The following ARHGEF1 variants were observed in gnomAD, a reference collection of about 807,000 sequenced individuals.
ARHGEF1 encodes 115 kDa guanine nucleotide exchange factor.
In ARHGEF1, 40 loss-of-function variants were observed where a neutral mutation model predicts 119.7. That is an observed-to-expected ratio of 0.33 (90% CI 0.26 to 0.44). The LOEUF (loss-of-function observed/expected upper bound fraction) is 0.44. Among genes scored for constraint, ARHGEF1 ranks in the 20% least tolerant of loss-of-function variants. The pLI is 1.00. For synonymous variants in ARHGEF1, 494 were observed against 521.0 expected (o/e 0.95, Z 0.71); for missense variants, 976 against 1,268.3 (o/e 0.77, Z 3.50).
At chr19:41,909,189 G>A, downstream of ARHGEF1, 1 of 1,231,716 alleles carries the variant, frequency 8.1e-7, no homozygotes, top group Non-Finnish European at 1.0e-6. The surrounding 1 kb of genome is among the most constrained non-coding windows in gnomAD (Gnocchi z 5.2). Flanking sequence ...TAGAGAGGGA[G>A]TGGGAGAAGC....
At chr19:41,894,423 C>G (rs2074442929) in intron 9 of ARHGEF1, 28 bp from the exon 10 acceptor site, 1 of 1,537,764 alleles carries the variant, frequency 6.5e-7, no homozygotes. Context: ...AGATGCTTAG[C>G]CTGGTCTTCC....
chr19:41,905,702 G>A lies in ARHGEF1; in HGVS notation c.2337-58G>A, dbSNP rs2074682530. The A allele has an allele frequency of 1.9e-6, 3 of 1,583,482 alleles. No homozygotes were observed. Among genetic ancestry groups the A allele is most frequent in the Non-Finnish European group, 2.6e-6 (3 of 1,156,400 alleles). ...CCCACCTCCAGCTCTCTGTCTCCCT[G>A]CCCCTGCGGCCCCCCAGGGCCAGGG... On this transcript the variant is annotated intron_variant, in intron 24 of 28. Transcript: ENST00000354532. The surrounding 1 kb of genome is among the most constrained non-coding windows in gnomAD (Gnocchi z 6.4).
downstream of ARHGEF1, among the ~76,000 whole-genome samples, chr19:41,912,386 T>G (rs2074757950): frequency 1.3e-5 from 2 of 152,188 alleles, no homozygotes; most frequent in African/African-American, 4.8e-5. Flanking sequence ...CAACCCCGGT[T>G]GCAAGCTGTC....
At chr19:41,926,969 A>G (rs916901507) in intron 1 of ARHGEF1, among the ~76,000 whole-genome samples, 2 of 151,952 alleles carry the variant, frequency 1.3e-5, no homozygotes. Flanking sequence ...ATAGAAAGAG[A>G]TGCCGAGAAA....
chr19:41,905,434 G>C lies in ARHGEF1; in HGVS notation c.2336+173G>C. On this transcript the variant is annotated intron_variant, in intron 24 of 28. Coordinates refer to ENST00000354532, the MANE Select transcript of ARHGEF1 (RefSeq NM_004706.4). This position sits in a 1 kb window ranked among gnomAD's most constrained non-coding sequence, Gnocchi z 6.4. ...GTATGTGACTGTGCGTGCATATATA[G>C]TGTGTGTATGCATGCATGTGTGCGT... The C allele has an allele frequency of 1.6e-6, 1 of 639,054 alleles. No homozygotes were observed. Among genetic ancestry groups the C allele is most frequent in the Non-Finnish European group, 2.7e-6 (1 of 370,322 alleles). The allele number at this position is 639,054 out of a possible 1,614,324, so 39.6% of individuals were successfully genotyped here.
chr19:41,925,907 G>A (rs1160899202), intron 1 of ARHGEF1, among the ~76,000 whole-genome samples: 1 of 152,016 alleles, frequency 6.6e-6, no homozygotes, highest in Non-Finnish European at 1.5e-5. Flanking sequence ...GGGACTGGTG[G>A]GGGCAGGCCT....
chr19:41,892,929 C>T lies in ARHGEF1; in HGVS notation c.614+80C>T, dbSNP rs893304715. ...GTGCTACCTCTGGCATGTTCCATCC[C>T]GTTTGCAGGTTCCCTCTTCAGGGTC... On this transcript the variant is annotated intron_variant, in intron 7 of 28. Transcript: ENST00000354532. This position sits in a 1 kb window ranked among gnomAD's most constrained non-coding sequence, Gnocchi z 6.3. The T allele has an allele frequency of 4.9e-5, 70 of 1,426,576 alleles. No individual in the cohort carries two copies. In the African/African-American group the frequency reaches 8.8e-4, roughly 18 times the overall value. 88.4% of individuals were successfully genotyped at this position (1,426,576 alleles called of 1,614,324 possible).
chr19:41,892,749 C>G lies in ARHGEF1; in HGVS notation c.514C>G (p.Leu172Val). The change falls in exon 7 of 29, where the codon CTG (leucine) becomes GTG (valine). Residue 172 changes from leucine to valine, a missense_variant. By Grantham distance (32) the Leu-to-Val change is conservative. Transcript: ENST00000354532. The surrounding 1 kb of genome is among the most constrained non-coding windows in gnomAD (Gnocchi z 6.3). ...GGGCATGACGCCCTGGGAGCAGGAG[C>G]TGGCCCAGCTGGAGGCTTGGGTTGG... is the stretch of plus-strand genomic sequence containing the variant. ...LMGMTPWEQE[L>V]AQLEAWVGRD... is the part of the protein sequence containing the mutation. 1 of 1,609,834 alleles carries G rather than the reference C, an allele frequency of 6.2e-7. No homozygotes were observed. Among genetic ancestry groups the G allele is most frequent in the Non-Finnish European group, 8.5e-7 (1 of 1,178,494 alleles).
Position 41,904,057 on chromosome 19 carries a change from A to G in ARHGEF1, c.1940A>G (p.Lys647Arg), listed in dbSNP as rs1555849595. ...CAGAACCTGGACATCACCAAGAAGA[A>G]ATTGGTCCACGAGGGCCCACTGACG... The part of the protein sequence containing the change: ...EFKNLDITKK[K>R]LVHEGPLTWR... Residue 647 changes from lysine (K) to arginine (R), a missense_variant, in exon 21 of 29, where the codon AAA becomes AGA. Transcript: ENST00000354532. The surrounding 1 kb of genome is among the most constrained non-coding windows in gnomAD (Gnocchi z 8.4). 1 of 1,614,088 alleles carries G rather than the reference A, an allele frequency of 6.2e-7. No individual in the cohort carries two copies. The highest frequency in any genetic ancestry group is 1.1e-5 in the South Asian group (1 of 91,082).
Position 41,905,519 on chromosome 19 carries a change from A to C in ARHGEF1, c.2337-241A>C, listed in dbSNP as rs1235181282. On this transcript the variant is annotated intron_variant, in intron 24 of 28. Coordinates refer to ENST00000354532, the MANE Select transcript of ARHGEF1 (RefSeq NM_004706.4). This position sits in a 1 kb window ranked among gnomAD's most constrained non-coding sequence, Gnocchi z 6.4. ...CATATGTGTGCATGCGTGTGACAGC[A>C]TGTGCATGCATGTGTGTGTGTGTGC... 4.9e-6 allele frequency: 3 copies of C among 612,202 alleles called. No homozygotes were observed. In the African/African-American group the frequency reaches 5.6e-5, roughly 11 times the overall value. 37.9% of individuals were successfully genotyped at this position (612,202 alleles called of 1,614,324 possible).
chr19:41,915,028 CCG>C (rs1417404246), intron 18 of ARHGEF1, among the ~76,000 whole-genome samples: 2 of 106,396 alleles, frequency 1.9e-5, no homozygotes, highest in African/African-American at 4.5e-5. Flanking sequence ...TGTCCCTGTC[CCG>C]CGTCTCTCCA....
chr19:41,888,383 G>A lies in ARHGEF1; in HGVS notation c.111+105G>A. On this transcript the variant is annotated intron_variant, in intron 3 of 28. Transcript: ENST00000354532. The surrounding 1 kb of genome is among the most constrained non-coding windows in gnomAD (Gnocchi z 5.1). ...TCTTCTTGGCCTTTTCCCACGGTCT[G>A]TCTCATCCTCTCATCTCCCTGGTAC... 5.2e-6 allele frequency: 6 copies of A among 1,163,824 alleles called. No homozygotes were observed. Among genetic ancestry groups the A allele is most frequent in the Middle Eastern group, 2.2e-4 (1 of 4,446 alleles). 72.1% of individuals were successfully genotyped at this position (1,163,824 alleles called of 1,614,324 possible). A position where few individuals can be genotyped will look rare whatever the true frequency, so the allele number is the denominator to read the frequency against.
chr19:41,895,037 C>G (rs921440538), intron 11 of ARHGEF1, among the ~76,000 whole-genome samples: 6 of 131,796 alleles, frequency 4.6e-5, no homozygotes, highest in Admixed American at 1.6e-4. Context: ...GGCTCAGACT[C>G]GGACTCTTAG....
chr19:41,923,164 G>A (rs1185200424), exon 1 of ARHGEF1: 2 of 456,378 alleles, frequency 4.4e-6, no homozygotes, highest in African/African-American at 4.0e-5. Context: ...TGTGGAAACT[G>A]AGGTTCTGAC....
At position 41,894,518 on chromosome 19, in the gene ARHGEF1, C is replaced by T. The variant is rs868914002; in HGVS notation, c.812C>T (p.Ala271Val). The T allele has an allele frequency of 6.2e-7, 1 of 1,608,220 alleles. No individual in the cohort carries two copies. Among genetic ancestry groups the T allele is most frequent in the Non-Finnish European group, 8.5e-7 (1 of 1,176,564 alleles). The change falls in exon 10 of 29, where the codon GCC (alanine) becomes GTC (valine). Residue 271 changes from alanine (A) to valine (V), a missense_variant. Physicochemically the swap from Ala to Val is moderately conservative, Grantham distance 64 (BLOSUM62 0). This residue lies in a region of ARHGEF1 where 519 missense variants were observed against 580.9 expected (regional missense o/e 0.89). Transcript: ENST00000354532. ...AAGGGGCTGAGCAGCATCCTGGATG[C>T]CGCCCGCTGGAACCGGGGAGAGCCC... ...TKKGLSSILDAARWNRGEPQV... is the reference protein window; with the variant it reads ...TKKGLSSILDVARWNRGEPQV...
downstream of ARHGEF1, among the ~76,000 whole-genome samples, chr19:41,911,348 A>G (rs2074750202): frequency 6.6e-6 from 1 of 152,222 alleles, no homozygotes; most frequent in Non-Finnish European, 1.5e-5. Flanking sequence ...GCATGAAAAT[A>G]GAAGGCAGAG....
chr19:41,902,066 C>A lies in ARHGEF1; in HGVS notation c.1414+33C>A. ...CAGAGCCAGGGTCCCTCTGTGTACC[C>A]CACTGCCCCACGGGCAGCTCTGCTC... On this transcript the variant is annotated intron_variant, in intron 15 of 28. Coordinates refer to ENST00000354532, the MANE Select transcript of ARHGEF1 (RefSeq NM_004706.4). This position sits in a 1 kb window ranked among gnomAD's most constrained non-coding sequence, Gnocchi z 6.5. The A allele has an allele frequency of 6.2e-7, 1 of 1,605,342 alleles. No homozygotes were observed. The highest frequency in any genetic ancestry group is 1.7e-4 in the Middle Eastern group (1 of 5,950).
intron 1 of ARHGEF1, among the ~76,000 whole-genome samples, chr19:41,885,981 G>A (rs537092002): frequency 6.6e-6 from 1 of 152,254 alleles, no homozygotes; most frequent in African/African-American, 2.4e-5. Context: ...CTGAGCTCAA[G>A]TGATCCACCT....
chr19:41,911,444 T>C (rs1258005215), downstream of ARHGEF1, among the ~76,000 whole-genome samples: 4 of 152,276 alleles, frequency 2.6e-5, no homozygotes, highest in Non-Finnish European at 1.5e-5. Flanking sequence ...CCGTGTCCAC[T>C]TGCTGTGTGA....
Sources: gnomAD v4.1 joint callset for allele counts (sites outside exome capture counted in the v4.1 genomes callset) on GRCh38, gnomAD v4.1.1 for gene constraint, gnomAD v4.1.1 regional missense constraint, Gnocchi (gnomAD v3.1) non-coding constraint, MANE v1.5 for transcripts, NCBI Gene and HGNC (gene_info 2026-07-23, HGNC 2026-07-21) for gene names.